CNTN5: variants seen among roughly 807,000 people sequenced by gnomAD.
CNTN5 encodes the protein contactin 5, also known as contactin-5.
Under a neutral mutation model 129.1 loss-of-function variants are expected in CNTN5, and 77 were observed. The ratio of observed to expected loss-of-function variants is 0.60; its 90% CI spans 0.50 to 0.72. The LOEUF is 0.72. CNTN5 is among the 30% of genes least tolerant of loss of function. The pLI is 0.00. For synonymous variants in CNTN5, 509 were observed against 465.6 expected, an observed-to-expected ratio of 1.09 and a Z score of -1.20; for missense variants, 1,478 against 1,328.8, an observed-to-expected ratio of 1.11 and a Z score of -1.75.
At chr11:99,873,044 A>G (rs184089084) in intron 6 of CNTN5, among the ~76,000 whole-genome samples, 22 of 151,766 alleles carry the variant, frequency 1.4e-4, no homozygotes, top group African/African-American at 5.3e-4. Flanking sequence ...ACAGACCACA[A>G]CAATTTTTAT....
chr11:99,718,545 C>T (rs560216328), intron 3 of CNTN5, among the ~76,000 whole-genome samples: 1 of 152,148 alleles, frequency 6.6e-6, no homozygotes, highest in South Asian at 2.1e-4. Flanking sequence ...GGAGATGCTT[C>T]TTGTGGCTCT....
At chr11:100,100,005 C>T (rs1945164070) in intron 13 of CNTN5, among the ~76,000 whole-genome samples, 1 of 152,100 alleles carries the variant, frequency 6.6e-6, no homozygotes, top group South Asian at 2.1e-4. Flanking sequence ...TCACTAAAAA[C>T]CCTTGACTGC....
chr11:99,656,060 G>A lies in CNTN5; in HGVS notation c.55+99791G>A, dbSNP rs554649084. ...TATGTGTGTATATAGGTATAAGTGT[G>A]TGTACATATGTGTAAGTGTGTGTGT... On this transcript the variant is annotated intron_variant, in intron 3 of 24. Transcript: ENST00000524871. Among the ~76,000 whole-genome samples, 12 of 152,130 alleles carry A rather than the reference G, an allele frequency of 7.9e-5. No individual in the cohort carries two copies. In the South Asian group the frequency reaches 1.7e-3, roughly 21 times the overall value.
In CNTN5 at chr11:99,863,701, A is replaced by G. The variant is rs1334466580; in HGVS notation, c.577+18439A>G. The stretch of plus-strand genomic sequence containing the variant: ...GTTCAAACTATTTTCTAGCACCTAA[A>G]ATTTATAGCTACTATTGCTGTTGTT... On this transcript the variant is annotated intron_variant, in intron 6 of 24. Transcript: ENST00000524871. Among the ~76,000 whole-genome samples the G allele has an allele frequency of 2.6e-5, 4 of 152,222 alleles. No individual in the cohort carries two copies. The South Asian group carries it at 8.3e-4, about 31-fold the overall frequency.
chr11:100,355,459 A>C, intron 24 of CNTN5, among the ~76,000 whole-genome samples: 1 of 151,824 alleles, frequency 6.6e-6, no homozygotes, highest in East Asian at 1.9e-4. Flanking sequence ...GTAGGAGTAC[A>C]CTAAAATAAT....
chr11:99,193,415 G>A lies in CNTN5; in HGVS notation c.-209-131931G>A, dbSNP rs78279668. The stretch of plus-strand genomic sequence containing the variant: ...GGACTCATGATCCAAAATTATGTGG[G>A]GATAGTAATCAAGGACCCTGGCCTT... On this transcript the variant is annotated intron_variant, in intron 1 of 24. Transcript: ENST00000524871. 3.6e-3 allele frequency among the ~76,000 whole-genome samples: 555 copies of A among 152,218 alleles called. 14 individuals carry two copies. The highest frequency in any genetic ancestry group is 4.6e-3 in the East Asian group (24 of 5,174).
chr11:99,389,470 T>G (rs1941122946), intron 2 of CNTN5, among the ~76,000 whole-genome samples: 1 of 152,242 alleles, frequency 6.6e-6, no homozygotes, highest in Non-Finnish European at 1.5e-5. Context: ...GAGCCTGTTC[T>G]AGATTTTTGA....
chr11:100,078,263 T>G (rs1944224057), intron 13 of CNTN5, among the ~76,000 whole-genome samples: 1 of 152,186 alleles, frequency 6.6e-6, no homozygotes, highest in Non-Finnish European at 1.5e-5. Context: ...AAATCATTAT[T>G]CTAAAGTTGA....
At chr11:99,446,762 C>G (rs1565589428) in intron 2 of CNTN5, among the ~76,000 whole-genome samples, 1 of 152,150 alleles carries the variant, frequency 6.6e-6, no homozygotes, top group Non-Finnish European at 1.5e-5. Flanking sequence ...AGGCTATGTA[C>G]TCTCTTAGCT....
At chr11:99,709,913 AT>A (rs1284715907) in intron 3 of CNTN5, among the ~76,000 whole-genome samples, 1 of 151,784 alleles carries the variant, frequency 6.6e-6, no homozygotes. Context: ...TGAAAAGTTG[AT>A]TTTTATTTGG....
intron 3 of CNTN5, among the ~76,000 whole-genome samples, chr11:99,672,368 G>C (rs1326895877): frequency 1.3e-5 from 2 of 151,858 alleles, no homozygotes; most frequent in Non-Finnish European, 2.9e-5. Flanking sequence ...TGATTGTCTT[G>C]CATGTGGGCT....
intron 7 of CNTN5, among the ~76,000 whole-genome samples, chr11:99,940,153 G>A: frequency 6.6e-6 from 1 of 152,148 alleles, no homozygotes; most frequent in East Asian, 1.9e-4. Flanking sequence ...CATCTGCAAT[G>A]CAGAGGACAG....
intron 2 of CNTN5, among the ~76,000 whole-genome samples, chr11:99,447,544 T>A (rs1472779909): frequency 6.6e-6 from 1 of 152,228 alleles, no homozygotes; most frequent in Non-Finnish European, 1.5e-5. Context: ...CCTATGCCAG[T>A]TTCTTTATTT....
chr11:99,717,948 CT>C (rs887779384), intron 3 of CNTN5, among the ~76,000 whole-genome samples: 13 of 152,094 alleles, frequency 8.5e-5, no homozygotes, highest in Admixed American at 7.9e-4. Context: ...TAGCACCCCC[CT>C]AAAACCTTAC....
chr11:99,424,549 A>T (rs73536929), intron 2 of CNTN5, among the ~76,000 whole-genome samples: 3,163 of 152,380 alleles, frequency 0.021, 102 homozygotes, highest in African/African-American at 0.071. Context: ...GCACTGGCAC[A>T]GTCACGAGCT....
chr11:99,070,782 C>A (rs1865310933), intron 1 of CNTN5, among the ~76,000 whole-genome samples: 1 of 151,612 alleles, frequency 6.6e-6, no homozygotes, highest in African/African-American at 2.4e-5. Context: ...GTGTACTTCT[C>A]CCTGTTAAAC....
intron 2 of CNTN5, among the ~76,000 whole-genome samples, chr11:99,407,198 A>G (rs1196849166): frequency 6.6e-6 from 1 of 151,842 alleles, no homozygotes; most frequent in Non-Finnish European, 1.5e-5. Flanking sequence ...AGTCTCATGA[A>G]AAGCCCTAAA....
At chr11:99,909,324 A>T (rs1949592679) in intron 6 of CNTN5, among the ~76,000 whole-genome samples, 7 of 152,140 alleles carry the variant, frequency 4.6e-5, no homozygotes. Flanking sequence ...GGTGCTGGAG[A>T]GGATGTGGAG....
chr11:100,275,125 T>C (rs1950481818), intron 18 of CNTN5, among the ~76,000 whole-genome samples: 1 of 151,820 alleles, frequency 6.6e-6, no homozygotes, highest in Non-Finnish European at 1.5e-5. Flanking sequence ...GGCTTAAATA[T>C]GTTGGAAAAG....
Sources: gnomAD v4.1 joint callset for allele counts (sites outside exome capture counted in the v4.1 genomes callset) on GRCh38, gnomAD v4.1.1 for gene constraint, MANE v1.5 for transcripts, NCBI Gene and HGNC (gene_info 2026-07-23, HGNC 2026-07-21) for gene names.